DCLK1: variants seen among roughly 807,000 people sequenced by gnomAD.
The protein encoded by DCLK1 is serine/threonine-protein kinase DCLK1.
A neutral mutation model predicts 86.2 loss-of-function variants in DCLK1; 16 were observed. The observed-to-expected ratio is 0.19, with a 90% CI of 0.13 to 0.28. The LOEUF is 0.28. DCLK1 is among the 10% of genes least tolerant of loss of function. The pLI is 1.00. For synonymous variants in DCLK1, 369 were observed against 370.5 expected, an observed-to-expected ratio of 1.00 and a Z score of 0.05; for missense variants, 590 against 940.2, an observed-to-expected ratio of 0.63 and a Z score of 4.87.
At chr13:35,801,957 C>G (rs2086928435) in intron 15 of DCLK1, among the ~76,000 whole-genome samples, 1 of 152,128 alleles carries the variant, frequency 6.6e-6, no homozygotes, top group African/African-American at 2.4e-5. Context: ...TCTGCTGGAA[C>G]TGACTGTCAG....
At chr13:35,849,577 T>C (rs754599781) in intron 6 of DCLK1, 22 of 977,874 alleles carry the variant, frequency 2.2e-5, no homozygotes, top group Non-Finnish European at 2.7e-5. Flanking sequence ...TTTAAAATCA[T>C]TATTTTATGT....
chr13:36,123,891 G>A (rs900056423), intron 2 of DCLK1, among the ~76,000 whole-genome samples: 11 of 152,180 alleles, frequency 7.2e-5, no homozygotes, highest in Non-Finnish European at 1.2e-4. Flanking sequence ...AATTTTGCTG[G>A]TCCCTAGATG....
chr13:36,013,264 C>G (rs1881366080), intron 3 of DCLK1, among the ~76,000 whole-genome samples: 1 of 151,994 alleles, frequency 6.6e-6, no homozygotes, highest in Non-Finnish European at 1.5e-5. Flanking sequence ...TGTTCCATTG[C>G]TGGTGAGGAA....
intron 3 of DCLK1, among the ~76,000 whole-genome samples, chr13:36,043,672 A>G (rs1882773775): frequency 6.6e-6 from 1 of 152,136 alleles, no homozygotes; most frequent in Admixed American, 6.6e-5. Flanking sequence ...AATAGGTAAT[A>G]TAGAAGTAAA....
At chr13:36,105,751 A>G (rs1885370735) in intron 3 of DCLK1, among the ~76,000 whole-genome samples, 1 of 152,208 alleles carries the variant, frequency 6.6e-6, no homozygotes, top group Admixed American at 6.5e-5. Context: ...GCTTGGATGA[A>G]AAACCACAAG....
chr13:35,879,304 G>A lies in DCLK1; in HGVS notation c.824-7964C>T, dbSNP rs552500020. 5.3e-5 allele frequency among the ~76,000 whole-genome samples: 8 copies of A among 152,272 alleles called. No homozygotes were observed. The East Asian group carries it at 1.5e-3, about 29-fold the overall frequency. ...AACACCCAGCTCAGTGCTCCAGATG[G>A]CGCCCACGTGTTCCTCCACCTGCAC... On this transcript the variant is annotated intron_variant, in intron 4 of 16. Coordinates refer to ENST00000360631, the MANE Select transcript of DCLK1 (RefSeq NM_001330071.2).
chr13:35,918,771 A>G (rs1268205580), intron 4 of DCLK1, among the ~76,000 whole-genome samples: 1 of 152,154 alleles, frequency 6.6e-6, no homozygotes. Context: ...CACAGCTCAA[A>G]TAAAGGGATT....
Position 35,846,048 on chromosome 13 carries a change from T to C in DCLK1, c.1036-6872A>G, listed in dbSNP as rs1481040714. 3.3e-5 allele frequency: 33 copies of C among 985,460 alleles called. No homozygotes were observed. In the East Asian group the frequency reaches 3.2e-3, roughly 95 times the overall value. The allele number at this position is 985,460 out of a possible 1,614,324, so 61.0% of individuals were successfully genotyped here. A position where few individuals can be genotyped will look rare whatever the true frequency, so the allele number is the denominator to read the frequency against. Reference sequence around the variant, plus strand: ...CACAAAGTAACTGAACTTTCAAAATTGGGTAGTTCAATGAAACATTTTGTC... The same window carrying C: ...CACAAAGTAACTGAACTTTCAAAATCGGGTAGTTCAATGAAACATTTTGTC... On this transcript the variant is annotated intron_variant, in intron 6 of 16. Coordinates refer to ENST00000360631, the MANE Select transcript of DCLK1 (RefSeq NM_001330071.2).
chr13:35,779,437 A>G (rs1325229201), intron 16 of DCLK1, among the ~76,000 whole-genome samples: 1 of 152,206 alleles, frequency 6.6e-6, no homozygotes, highest in Admixed American at 6.5e-5. Flanking sequence ...TACCTTGCCA[A>G]CTACTCTATG....
intron 3 of DCLK1, among the ~76,000 whole-genome samples, chr13:36,025,162 T>C (rs1881980550): frequency 6.6e-6 from 1 of 152,110 alleles, no homozygotes; most frequent in South Asian, 2.1e-4. Context: ...GAGATAAGGT[T>C]TCTCCATGTT....
intron 3 of DCLK1, among the ~76,000 whole-genome samples, chr13:36,060,326 G>A (rs576337490): frequency 1.3e-4 from 19 of 151,916 alleles, no homozygotes; most frequent in African/African-American, 9.7e-5. Context: ...TCAGTACTAC[G>A]TCACTCTTTC....
At chr13:35,914,331 A>AT (rs1566600129) in intron 4 of DCLK1, among the ~76,000 whole-genome samples, 177 of 12,600 alleles carry the variant, frequency 0.014, 9 homozygotes, top group African/African-American at 0.032. Flanking sequence ...GAAAAAAAAA[A>AT]AATATATATA....
intron 4 of DCLK1, among the ~76,000 whole-genome samples, chr13:35,945,226 G>A (rs1357476739): frequency 6.6e-6 from 1 of 152,178 alleles, no homozygotes. Flanking sequence ...TAATTCTAAG[G>A]GGGAAATAGC....
At chr13:35,884,178 A>C (rs950107602) in intron 4 of DCLK1, among the ~76,000 whole-genome samples, 6 of 152,198 alleles carry the variant, frequency 3.9e-5, no homozygotes, top group African/African-American at 1.2e-4. Flanking sequence ...CAGGGTTTGA[A>C]GTAATTGTGC....
intron 4 of DCLK1, among the ~76,000 whole-genome samples, chr13:35,939,188 C>T (rs1226156172): frequency 1.3e-5 from 2 of 152,174 alleles, no homozygotes; most frequent in Non-Finnish European, 2.9e-5. Context: ...AACTAGCTGA[C>T]GAGAGCAAAG....
intron 3 of DCLK1, among the ~76,000 whole-genome samples, chr13:35,982,472 G>C (rs1014571990): frequency 7.0e-5 from 8 of 113,998 alleles, no homozygotes; most frequent in African/African-American, 1.9e-4. Flanking sequence ...GGGAGGGAGG[G>C]AGGGAGAAAG....
intron 3 of DCLK1, among the ~76,000 whole-genome samples, chr13:35,979,451 C>G (rs1755876746): frequency 6.6e-6 from 1 of 152,176 alleles, no homozygotes; most frequent in African/African-American, 2.4e-5. Context: ...TTGGCAAATG[C>G]ATGACAGCCA....
chr13:36,059,442 G>C (rs1012643411), intron 3 of DCLK1, among the ~76,000 whole-genome samples: 1 of 150,326 alleles, frequency 6.7e-6, no homozygotes, highest in South Asian at 2.1e-4. Context: ...ACTATTCTAT[G>C]AAATCATCAC....
intron 3 of DCLK1, among the ~76,000 whole-genome samples, chr13:36,103,185 G>A (rs766074533): frequency 6.6e-6 from 1 of 152,040 alleles, no homozygotes; most frequent in Non-Finnish European, 1.5e-5. Flanking sequence ...CAGATCACTT[G>A]AGGTCAGGAG....
Sources: gnomAD v4.1 joint callset for allele counts (sites outside exome capture counted in the v4.1 genomes callset) on GRCh38, gnomAD v4.1.1 for gene constraint, MANE v1.5 for transcripts, NCBI Gene and HGNC (gene_info 2026-07-23, HGNC 2026-07-21) for gene names.